Variants in SUMO2 observed in about 807,000 individuals in gnomAD.
SUMO2 encodes the protein small ubiquitin-related modifier 2.
SUMO2 carries 1 observed loss-of-function variant against 16.0 expected under a neutral mutation model. The observed-to-expected ratio is 0.06, with a 90% confidence interval of 0.02 to 0.30. The LOEUF (loss-of-function observed/expected upper bound fraction) is 0.30, where lower values mean the gene tolerates loss of function less well. SUMO2 is among the 10% of genes least tolerant of loss of function. The pLI, the probability that SUMO2 is intolerant of heterozygous loss-of-function variation, is 1.00. For missense variants in SUMO2, 16 were observed against 117.5 expected, an observed-to-expected ratio of 0.14 and a Z score of 3.99; for synonymous variants, 36 against 40.6, an observed-to-expected ratio of 0.89 and a Z score of 0.43.
At position 75,182,840 on chromosome 17, in the gene SUMO2, G is replaced by C. The variant is rs747418519; in HGVS notation, c.-6C>G. 1 of 1,408,776 alleles carries C rather than the reference G, an allele frequency of 7.1e-7. No homozygotes were observed. The highest frequency in any genetic ancestry group is 9.3e-7 in the Non-Finnish European group (1 of 1,074,510). The allele number at this position is 1,408,776 out of a possible 1,614,324, so 87.3% of individuals were successfully genotyped here. A position where few individuals can be genotyped will look rare whatever the true frequency, so the allele number is the denominator to read the frequency against. ...TTGGGCTTTTCGTCGGCCATGGCGA[G>C]CGCCGGAGTCTCCTCAGCTGCCGCT... On this transcript the variant is annotated 5_prime_UTR_variant, in exon 1 of 4. Transcript: ENST00000420826.
intron 3 of SUMO2, among the ~76,000 whole-genome samples, chr17:75,172,186 C>A (rs112708142): frequency 5.9e-5 from 9 of 151,958 alleles, no homozygotes; most frequent in African/African-American, 2.2e-4. Flanking sequence ...CCATGCCCGG[C>A]TAATTTTTGT....
intron 2 of SUMO2, among the ~76,000 whole-genome samples, chr17:75,179,709 G>C (rs1372105961): frequency 6.7e-6 from 1 of 149,902 alleles, no homozygotes; most frequent in Non-Finnish European, 1.5e-5. Flanking sequence ...ACCCAGGCTA[G>C]AGTGCAGTGG....
At chr17:75,171,812 G>A (rs1338462241) in intron 3 of SUMO2, among the ~76,000 whole-genome samples, 3 of 152,032 alleles carry the variant, frequency 2.0e-5, no homozygotes, top group East Asian at 1.9e-4. Flanking sequence ...TCTAATAACT[G>A]AGAGTACAGC....
In SUMO2 at chr17:75,178,385, G is replaced by A. The variant is rs556921777; in HGVS notation, c.153+2672C>T. ...AAAAATTGGCTGGGCACGGTGGCAC[G>A]CACCTGTAGTCCCAGCTACTTGGGA... On this transcript the variant is annotated intron_variant, in intron 2 of 3. Coordinates refer to ENST00000420826, the MANE Select transcript of SUMO2 (RefSeq NM_006937.4). Among the ~76,000 whole-genome samples the A allele has an allele frequency of 4.0e-5, 6 of 151,108 alleles. No homozygotes were observed. In the East Asian group the frequency reaches 9.8e-4, roughly 25 times the overall value.
At chr17:75,180,798 T>C (rs911327742) in intron 2 of SUMO2, among the ~76,000 whole-genome samples, 3 of 151,658 alleles carry the variant, frequency 2.0e-5, no homozygotes, top group African/African-American at 7.2e-5. Flanking sequence ...TTACATTTCC[T>C]TGGTAAAAAA....
At chr17:75,177,969 A>G (rs1216063215) in intron 2 of SUMO2, among the ~76,000 whole-genome samples, 1 of 143,542 alleles carries the variant, frequency 7.0e-6, no homozygotes, top group African/African-American at 2.7e-5. Context: ...AGTCTGACCG[A>G]CAAAGCGAGA....
At chr17:75,173,964 G>A (rs2074761959) in intron 3 of SUMO2, among the ~76,000 whole-genome samples, 1 of 152,188 alleles carries the variant, frequency 6.6e-6, no homozygotes, top group Non-Finnish European at 1.5e-5. Context: ...GTAAGGATCT[G>A]GAAAATCTCC....
intron 3 of SUMO2, among the ~76,000 whole-genome samples, chr17:75,169,748 C>CT (rs2074721162): frequency 6.6e-6 from 1 of 150,446 alleles, no homozygotes. Context: ...ATTCGGGAGG[C>CT]TGAGGCAGGA....
intron 2 of SUMO2, among the ~76,000 whole-genome samples, chr17:75,176,617 AAAC>A (rs150250836): frequency 0.27 from 40,974 of 151,450 alleles, 6,229 homozygotes; most frequent in East Asian, 0.62. Flanking sequence ...TCAATATCAA[AAAC>A]AACAACAACA....
chr17:75,171,114 T>C (rs1270760821), intron 3 of SUMO2, among the ~76,000 whole-genome samples: 1 of 151,230 alleles, frequency 6.6e-6, no homozygotes, highest in Non-Finnish European at 1.5e-5. Flanking sequence ...CAGCTTATTG[T>C]ATGACTACAT....
At chr17:75,179,811 A>G (rs1469945671) in intron 2 of SUMO2, among the ~76,000 whole-genome samples, 1 of 152,006 alleles carries the variant, frequency 6.6e-6, no homozygotes, top group Non-Finnish European at 1.5e-5. Context: ...CGCGTGTAAC[A>G]CCACGCCCAG....
At position 75,167,172 on chromosome 17, in the gene SUMO2, T is replaced by G. The variant is rs1274698515; in HGVS notation, c.*1167A>C. 1 of 144,592 alleles carries G rather than the reference T, an allele frequency of 6.9e-6. No homozygotes were observed. Among genetic ancestry groups the G allele is most frequent in the Non-Finnish European group, 1.5e-5 (1 of 66,260 alleles). The allele number at this position is 144,592 out of a possible 1,614,324, so 9.0% of individuals were successfully genotyped here. A position where few individuals can be genotyped will look rare whatever the true frequency, so the allele number is the denominator to read the frequency against. On this transcript the variant is annotated 3_prime_UTR_variant, in exon 4 of 4. Coordinates refer to ENST00000420826, the MANE Select transcript of SUMO2 (RefSeq NM_006937.4). ...GTCTCGACTAAAAATAGAAAAAAAA[T>G]TAGCTGGGCGTGGTGGCATGCACCT...
chr17:75,176,715 T>C (rs921190934), intron 2 of SUMO2, among the ~76,000 whole-genome samples: 15 of 152,190 alleles, frequency 9.9e-5, no homozygotes, highest in Non-Finnish European at 1.9e-4. Flanking sequence ...TTTAATTTCC[T>C]TTAATACTTA....
chr17:75,174,879 C>T (rs545924267), intron 2 of SUMO2, 56 bp from the exon 3 acceptor site: 2 of 1,437,380 alleles, frequency 1.4e-6, no homozygotes, highest in Non-Finnish European at 1.9e-6. Flanking sequence ...ATTCTATTTA[C>T]ATAAAAGTAC....
chr17:75,168,832 T>C (rs1039742001), intron 3 of SUMO2, among the ~76,000 whole-genome samples: 1 of 152,084 alleles, frequency 6.6e-6, no homozygotes, highest in African/African-American at 2.4e-5. Context: ...CTCAAACTCC[T>C]GAGCTCAAGT....
At chr17:75,177,630 C>G (rs997718781) in intron 2 of SUMO2, among the ~76,000 whole-genome samples, 1 of 151,436 alleles carries the variant, frequency 6.6e-6, no homozygotes, top group African/African-American at 2.4e-5. Context: ...TCCAGTAAGC[C>G]TAGATTGCGC....
chr17:75,176,160 C>T (rs1287436093), intron 2 of SUMO2, among the ~76,000 whole-genome samples: 1 of 152,038 alleles, frequency 6.6e-6, no homozygotes, highest in African/African-American at 2.4e-5. Context: ...CTGCCTCAGC[C>T]TCCTCAGTAG....
intron 2 of SUMO2, among the ~76,000 whole-genome samples, chr17:75,180,417 A>AAAAC (rs2074819772): frequency 1.4e-5 from 2 of 143,196 alleles, no homozygotes; most frequent in African/African-American, 5.3e-5. Context: ...AAAAAAAAAA[A>AAAAC]AAAACGACTT....
At chr17:75,169,385 A>AT (rs746519441) in intron 3 of SUMO2, among the ~76,000 whole-genome samples, 2,623 of 141,850 alleles carry the variant, frequency 0.018, 54 homozygotes, top group African/African-American at 0.051. Context: ...TTAAAAAAAA[A>AT]TTTTTTTTTT....
Sources: gnomAD v4.1 joint callset for allele counts (sites outside exome capture counted in the v4.1 genomes callset) on GRCh38, gnomAD v4.1.1 for gene constraint, MANE v1.5 for transcripts, NCBI Gene and HGNC (gene_info 2026-07-23, HGNC 2026-07-21) for gene names.